HHIPL2: variants seen among roughly 807,000 people sequenced by gnomAD.
The protein encoded by HHIPL2 is HHIP like 2, also known as HHIP-like protein 2.
In HHIPL2, 61 loss-of-function variants were observed where a neutral mutation model predicts 61.0. The observed-to-expected ratio is 1.00, with a 90% CI of 0.81 to 1.24. HHIPL2 has a LOEUF of 1.24. Among genes scored for constraint, HHIPL2 ranks in the 50% most tolerant of loss-of-function variants. The pLI, the probability that HHIPL2 is intolerant of heterozygous loss-of-function variation, is 0.00. For synonymous variants in HHIPL2, 343 were observed against 357.4 expected (o/e 0.96, Z 0.45); for missense variants, 885 against 910.2 (o/e 0.97, Z 0.36).
At position 222,542,048 on chromosome 1, in the gene HHIPL2, C is replaced by T. The variant is rs767140338; in HGVS notation, c.1082G>A (p.Gly361Glu). ...YIFTGDGGQA[G>E]DPFGLFGNAQ... Reference sequence around the variant, plus strand: ...ATTTCCAAACAGGCCAAAGGGATCTCCAGCCTGTCCCCCGTCCCCAGTGAA... The same window carrying T: ...ATTTCCAAACAGGCCAAAGGGATCTTCAGCCTGTCCCCCGTCCCCAGTGAA... The change falls in exon 3 of 9, where the codon GGA (glycine) becomes GAA (glutamate). Residue 361 changes from glycine (G) to glutamate (E), a missense_variant. Physicochemically the swap from Gly to Glu is moderately conservative, Grantham distance 98. Transcript: ENST00000343410. 20 of 1,613,878 alleles carry T rather than the reference C, an allele frequency of 1.2e-5. No individual in the cohort carries two copies. Among genetic ancestry groups the T allele is most frequent in the Non-Finnish European group, 1.6e-5 (19 of 1,179,998 alleles).
chr1:222,522,921 A>G (rs766177403), intron 8 of HHIPL2, 34 bp from the exon 9 acceptor site: 1 of 1,563,300 alleles, frequency 6.4e-7, no homozygotes, highest in Admixed American at 1.8e-5. Flanking sequence ...TGAAAAATAT[A>G]AGTCCCAGAA....
Position 222,522,358 on chromosome 1 carries a change from T to A in HHIPL2, c.*243A>T. On this transcript the variant is annotated 3_prime_UTR_variant, in exon 9 of 9. Coordinates refer to ENST00000343410, the MANE Select transcript of HHIPL2 (RefSeq NM_024746.4). ...GATTCCAAGCAGGCTCATGGACTAGTGCTTACCATAACCCAGGTGCACCAG... is the reference window on the plus strand; with the variant it reads ...GATTCCAAGCAGGCTCATGGACTAGAGCTTACCATAACCCAGGTGCACCAG... The A allele has an allele frequency of 1.8e-6, 1 of 556,514 alleles. No homozygotes were observed. Among genetic ancestry groups the A allele is most frequent in the Non-Finnish European group, 3.2e-6 (1 of 312,792 alleles). 34.5% of individuals were successfully genotyped at this position (556,514 alleles called of 1,614,324 possible). A position where few individuals can be genotyped will look rare whatever the true frequency, so the allele number is the denominator to read the frequency against.
At chr1:222,526,024 T>A (rs1453103120) in intron 7 of HHIPL2, among the ~76,000 whole-genome samples, 5 of 150,106 alleles carry the variant, frequency 3.3e-5, no homozygotes, top group East Asian at 2.0e-4. Context: ...AAAATAAAAA[T>A]AAAAAAAAAT....
chr1:222,533,866 G>T (rs886419009), intron 5 of HHIPL2, among the ~76,000 whole-genome samples: 1 of 152,182 alleles, frequency 6.6e-6, no homozygotes, highest in Non-Finnish European at 1.5e-5. Context: ...AGAGATTGCA[G>T]GACAGATACT....
chr1:222,522,975 T>C (rs1658986808), intron 8 of HHIPL2, 88 bp from the exon 9 acceptor site: 1 of 1,081,110 alleles, frequency 9.2e-7, no homozygotes. Flanking sequence ...AGTTCTTTAA[T>C]ATAAATTATT....
chr1:222,540,046 A>T lies in HHIPL2; in HGVS notation c.1414T>A (p.Cys472Ser). 6.2e-7 allele frequency: 1 copy of T among 1,614,264 alleles called. No homozygotes were observed. The highest frequency in any genetic ancestry group is 1.7e-5 in the Admixed American group (1 of 60,028). The change falls in exon 4 of 9, where the codon TGT (cysteine) becomes AGT (serine). Residue 472 changes from cysteine to serine, a missense_variant. Cys to Ser is a moderately radical substitution (Grantham distance 112, BLOSUM62 -1). Transcript: ENST00000343410. ...TTGTGACAAAGTTTTTTGTCATAAC[A>T]TGCAAACCCTTCCTTTGCTCTCCAG... is the stretch of plus-strand genomic sequence containing the variant. ...YGWRAKEGFA[C>S]YDKKLCHNAS...
chr1:222,535,167 A>T (rs552805718), intron 5 of HHIPL2, among the ~76,000 whole-genome samples: 8 of 152,350 alleles, frequency 5.3e-5, no homozygotes, highest in African/African-American at 9.6e-5. Context: ...GCCAGAAAAT[A>T]GTGGCGCAGC....
At chr1:222,545,635 C>G (rs571304603) in intron 1 of HHIPL2, among the ~76,000 whole-genome samples, 1 of 152,252 alleles carries the variant, frequency 6.6e-6, no homozygotes, top group Non-Finnish European at 1.5e-5. Context: ...CACTATGGCA[C>G]ACTCTCATGC....
At position 222,539,971 on chromosome 1, in the gene HHIPL2, A is replaced by G. The variant is rs916355590; in HGVS notation, c.1450+39T>C. 5.8e-6 allele frequency: 9 copies of G among 1,556,948 alleles called. No individual in the cohort carries two copies. The African/African-American group carries it at 1.1e-4, about 19-fold the overall frequency. The stretch of plus-strand genomic sequence containing the variant: ...CCCTACCTCCACCTCCAGCCCACTC[A>G]ACTCATCCAAGAAATCACCCAGAGA... On this transcript the variant is annotated intron_variant, in intron 4 of 8. Transcript: ENST00000343410.
chr1:222,544,589 T>C (rs193024526), intron 1 of HHIPL2, among the ~76,000 whole-genome samples: 2 of 152,304 alleles, frequency 1.3e-5, no homozygotes, highest in African/African-American at 4.8e-5. Context: ...TCCTAACTCC[T>C]AGGCTCAAGT....
intron 1 of HHIPL2, 35 bp from the exon 2 acceptor site, chr1:222,544,224 G>A (rs771016391): frequency 6.4e-7 from 1 of 1,572,108 alleles, no homozygotes; most frequent in Non-Finnish European, 8.6e-7. Context: ...CTCAGCATCA[G>A]ACCTGCCACA....
At position 222,547,928 on chromosome 1, in the gene HHIPL2, C is replaced by T. The variant is rs1424354724; in HGVS notation, c.117G>A (p.Leu39=). Reference sequence around the variant, plus strand: ...AATCCAGGCACTGGGGGTGTCCCTGCAGCAAGCCCACCTGGCCCAACAAGA... The same window carrying T: ...AATCCAGGCACTGGGGGTGTCCCTGTAGCAAGCCCACCTGGCCCAACAAGA... The part of the protein sequence containing the change: ...LIFLLGQVGL[L]QGHPQCLDYG... Residue 39 remains leucine, a synonymous_variant, in exon 1 of 9, where the codon CTG becomes CTA. Transcript: ENST00000343410. The T allele has an allele frequency of 6.2e-7, 1 of 1,613,082 alleles. No homozygotes were observed. The highest frequency in any genetic ancestry group is 1.1e-5 in the South Asian group (1 of 90,996).
chr1:222,543,412 A>T, intron 2 of HHIPL2, 125 bp downstream of exon 2: 1 of 956,210 alleles, frequency 1.0e-6, no homozygotes, highest in African/African-American at 1.6e-5. Flanking sequence ...ATCCACAGTG[A>T]CTCCTTTCTC....
rs1323678700 is a variant in HHIPL2 at position 222,547,574 on chromosome 1, A to C, written c.321+150T>G. ...ACCAAATTCAGCACACACTCATGTC[A>C]GTGTGCGTGTCCAAAGCCGGCAGCT... is the stretch of plus-strand genomic sequence containing the variant. On this transcript the variant is annotated intron_variant, in intron 1 of 8. Coordinates refer to ENST00000343410, the MANE Select transcript of HHIPL2 (RefSeq NM_024746.4). 4 of 639,798 alleles carry C rather than the reference A, an allele frequency of 6.3e-6. No homozygotes were observed. The African/African-American group carries it at 7.3e-5, about 12-fold the overall frequency. The allele number at this position is 639,798 out of a possible 1,614,324, so 39.6% of individuals were successfully genotyped here.
At chr1:222,527,710 C>A (rs1659099390) in intron 6 of HHIPL2, among the ~76,000 whole-genome samples, 1 of 152,206 alleles carries the variant, frequency 6.6e-6, no homozygotes, top group Non-Finnish European at 1.5e-5. Flanking sequence ...TGGGAGTGAC[C>A]CAATGGGAGA....
rs1250627121 is a variant in HHIPL2 at position 222,525,541 on chromosome 1, C to CA, written c.1805+1427_1805+1428insT. On this transcript the variant is annotated intron_variant, in intron 7 of 8. Coordinates refer to ENST00000343410, the MANE Select transcript of HHIPL2 (RefSeq NM_024746.4). ...ACAAGCTCAGATAGAGCTGGCCCCC[C>CA]CAAGCCCTAACCAGTGGCTGGACCT... Among the ~76,000 whole-genome samples, 15 of 152,296 alleles carry CA rather than the reference C, an allele frequency of 9.8e-5. 1 individual carries two copies. The East Asian group carries it at 2.5e-3, about 26-fold the overall frequency.
At chr1:222,544,256 G>C (rs2102622949) in intron 1 of HHIPL2, 67 bp from the exon 2 acceptor site, 1 of 1,506,860 alleles carries the variant, frequency 6.6e-7, no homozygotes, top group Admixed American at 2.1e-5. Flanking sequence ...CTCAAGTTTT[G>C]AGCAAGCAGA....
At chr1:222,539,972 A>C in intron 4 of HHIPL2, 38 bp downstream of exon 4, 1 of 1,561,180 alleles carries the variant, frequency 6.4e-7, no homozygotes. Flanking sequence ...AGCCCACTCA[A>C]CTCATCCAAG....
intron 4 of HHIPL2, 199 bp from the exon 5 acceptor site, chr1:222,538,973 T>C: frequency 1.9e-6 from 1 of 522,656 alleles, no homozygotes; most frequent in Non-Finnish European, 3.3e-6. Flanking sequence ...AACTTCCTAC[T>C]TAACTGCTAT....
Sources: allele counts gnomAD v4.1 joint callset (sites outside exome capture counted in the v4.1 genomes callset), GRCh38; gene constraint gnomAD v4.1.1; transcripts MANE v1.5; gene names NCBI Gene and HGNC (gene_info 2026-07-23, HGNC 2026-07-21).